The following GIGYF2 variants were observed in gnomAD, a reference collection of about 807,000 sequenced individuals.
The protein encoded by GIGYF2 is GRB10 interacting GYF protein 2.
Under a neutral mutation model 208.1 loss-of-function variants are expected in GIGYF2, and 25 were observed. The ratio of observed to expected loss-of-function variants is 0.12; its 90% CI spans 0.09 to 0.17. The LOEUF (loss-of-function observed/expected upper bound fraction) is 0.17, where lower values mean the gene tolerates loss of function less well. Among genes scored for constraint, GIGYF2 ranks in the 10% least tolerant of loss-of-function variants. The pLI is 1.00. For missense variants in GIGYF2, 1,302 were observed against 1,579.4 expected, an observed-to-expected ratio of 0.82 and a Z score of 2.98; for synonymous variants, 534 against 543.8, an observed-to-expected ratio of 0.98 and a Z score of 0.25.
At chr2:232,723,351 G>T (rs970173684) in intron 2 of GIGYF2, among the ~76,000 whole-genome samples, 5 of 151,592 alleles carry the variant, frequency 3.3e-5, no homozygotes, top group Non-Finnish European at 5.9e-5. Flanking sequence ...TTTCCATTGG[G>T]AATATATCTA....
At chr2:232,856,259 T>G (rs1690567138) in intron 28 of GIGYF2, among the ~76,000 whole-genome samples, 1 of 152,118 alleles carries the variant, frequency 6.6e-6, no homozygotes, top group Non-Finnish European at 1.5e-5. Flanking sequence ...GGTGATGCTA[T>G]TTTGTTTTAT....
intron 21 of GIGYF2, among the ~76,000 whole-genome samples, chr2:232,826,974 C>G (rs1221562335): frequency 6.6e-6 from 1 of 152,160 alleles, no homozygotes; most frequent in Non-Finnish European, 1.5e-5. Flanking sequence ...ATGATTGTTG[C>G]ATTTTTTTAA....
chr2:232,782,311 C>T (rs1699746600), intron 8 of GIGYF2, among the ~76,000 whole-genome samples: 1 of 152,162 alleles, frequency 6.6e-6, no homozygotes, highest in African/African-American at 2.4e-5. Flanking sequence ...GATCCTCTCT[C>T]CTCAGCCTCC....
intron 2 of GIGYF2, among the ~76,000 whole-genome samples, chr2:232,710,985 A>G (rs141520196): frequency 9.9e-5 from 15 of 151,698 alleles, no homozygotes; most frequent in Middle Eastern, 3.4e-3. Flanking sequence ...ACAGGTGTGA[A>G]CCACTGCGCC....
chr2:232,734,109 CT>C lies in GIGYF2; in HGVS notation c.-43-1025del, dbSNP rs35593823. 3.5e-3 allele frequency among the ~76,000 whole-genome samples: 433 copies of C among 122,468 alleles called. 2 individuals carry two copies. The highest frequency in any genetic ancestry group is 9.6e-3 in the African/African-American group (322 of 33,562). The allele number at this position is 122,468 out of a possible 152,430, so 80.3% of individuals were successfully genotyped here. A position where few individuals can be genotyped will look rare whatever the true frequency, so the allele number is the denominator to read the frequency against. ...TATATTTTATTTATTTATTTTAAAACTTTTTTTTTTTTTTTTTTTTTAAAGA... is the reference window on the plus strand; with the variant it reads ...TATATTTTATTTATTTATTTTAAAACTTTTTTTTTTTTTTTTTTTTAAAGA... On this transcript the variant is annotated intron_variant, in intron 2 of 28. Coordinates refer to ENST00000373563, the MANE Select transcript of GIGYF2 (RefSeq NM_001103146.3).
At chr2:232,789,985 G>A (rs1700024680) in intron 9 of GIGYF2, among the ~76,000 whole-genome samples, 1 of 152,088 alleles carries the variant, frequency 6.6e-6, no homozygotes, top group African/African-American at 2.4e-5. Flanking sequence ...GAGTAAGTAT[G>A]TTATTGTGGA....
chr2:232,734,779 GAAGT>G (rs1697663334), intron 2 of GIGYF2, among the ~76,000 whole-genome samples: 1 of 152,104 alleles, frequency 6.6e-6, no homozygotes, highest in Admixed American at 6.5e-5. Context: ...TCATTACTAG[GAAGT>G]AATATGAACT....
chr2:232,776,269 T>G, intron 8 of GIGYF2: 1 of 495,442 alleles, frequency 2.0e-6, no homozygotes. Flanking sequence ...TGGCTGTTAT[T>G]GCATTTTTAA....
intron 22 of GIGYF2, among the ~76,000 whole-genome samples, chr2:232,835,647 C>T (rs1701561765): frequency 6.6e-6 from 1 of 152,116 alleles, no homozygotes; most frequent in South Asian, 2.1e-4. Context: ...TGTTTTGTGA[C>T]TGGATGGATT....
At chr2:232,715,604 T>C (rs1395635270) in intron 2 of GIGYF2, among the ~76,000 whole-genome samples, 4 of 152,156 alleles carry the variant, frequency 2.6e-5, no homozygotes, top group Non-Finnish European at 5.9e-5. Flanking sequence ...AGTTCTTTGT[T>C]AATTCCTTAG....
intron 8 of GIGYF2, among the ~76,000 whole-genome samples, chr2:232,775,955 T>G (rs943140690): frequency 1.3e-5 from 2 of 152,214 alleles, no homozygotes; most frequent in Non-Finnish European, 2.9e-5. Context: ...TTTTAATTTC[T>G]CAGTTGCAGA....
intron 22 of GIGYF2, among the ~76,000 whole-genome samples, chr2:232,835,962 G>A (rs1330571063): frequency 6.6e-6 from 1 of 151,846 alleles, no homozygotes; most frequent in East Asian, 1.9e-4. Context: ...ACCCCTAAAT[G>A]CTTTTCAGAG....
intron 8 of GIGYF2, among the ~76,000 whole-genome samples, chr2:232,769,430 C>A (rs1699131750): frequency 6.9e-6 from 1 of 145,532 alleles, no homozygotes; most frequent in Non-Finnish European, 1.5e-5. Flanking sequence ...ACTCAGGAGG[C>A]TGAGGCAGGA....
intron 14 of GIGYF2, among the ~76,000 whole-genome samples, chr2:232,802,654 G>T (rs1267379604): frequency 6.6e-6 from 1 of 151,970 alleles, no homozygotes; most frequent in Non-Finnish European, 1.5e-5. Flanking sequence ...CTAGTATTTT[G>T]TTAAGAATTT....
rs762096898 is a variant in GIGYF2, at chr2:232,749,030, A to G, written c.215A>G (p.Gln72Arg). 6.2e-7 allele frequency: 1 copy of G among 1,607,210 alleles called. No homozygotes were observed. Among genetic ancestry groups the G allele is most frequent in the Non-Finnish European group, 8.5e-7 (1 of 1,173,768 alleles). ...LLDKEFLPILQEEPLPPLALV... is the reference protein window; with the variant it reads ...LLDKEFLPILREEPLPPLALV... ...GATAAAGAATTTCTGCCTATCCTCC[A>G]GGAGGAACCCCTTCCACCATTGGCT... The change falls in exon 5 of 29, where the codon CAG becomes CGG. Residue 72 changes from glutamine (Q) to arginine (R), a missense_variant. Physicochemically the swap from Gln to Arg is conservative, Grantham distance 43. Around this residue, in one of 8 missense-constraint regions of GIGYF2, gnomAD observed 189 missense variants for 257.7 expected, o/e 0.73. Transcript: ENST00000373563.
intron 2 of GIGYF2, among the ~76,000 whole-genome samples, chr2:232,722,233 A>G (rs938623864): frequency 6.6e-6 from 1 of 152,190 alleles, no homozygotes. Context: ...TATGAAAGAA[A>G]GAGGTTTAAT....
In GIGYF2 at chr2:232,827,156, T is replaced by C. The variant is rs186437151; in HGVS notation, c.2530-5701T>C. On this transcript the variant is annotated intron_variant, in intron 21 of 28. Coordinates refer to ENST00000373563, the MANE Select transcript of GIGYF2 (RefSeq NM_001103146.3). Reference sequence around the variant, plus strand: ...GTGACTAAGTTGAAGCCAGTGCTCATTTACCATTCTGAAAATCCTAGGGCC... The same window carrying C: ...GTGACTAAGTTGAAGCCAGTGCTCACTTACCATTCTGAAAATCCTAGGGCC... Among the ~76,000 whole-genome samples the C allele has an allele frequency of 5.1e-3, 749 of 146,592 alleles. 3 individuals are homozygous for C. Among genetic ancestry groups the C allele is most frequent in the African/African-American group, 0.014 (577 of 39,998 alleles).
intron 8 of GIGYF2, among the ~76,000 whole-genome samples, chr2:232,773,105 AT>A (rs1483795634): frequency 3.3e-5 from 5 of 152,282 alleles, no homozygotes; most frequent in African/African-American, 1.2e-4. Context: ...ACTTTAAAAA[AT>A]CTTAGTGCAT....
At chr2:232,708,759 G>C (rs7578299) in intron 2 of GIGYF2, among the ~76,000 whole-genome samples, 2 of 150,826 alleles carry the variant, frequency 1.3e-5, no homozygotes, top group Admixed American at 1.3e-4. Context: ...CTGCCTCCCA[G>C]GCTCAAGTGA....
Sources: allele counts gnomAD v4.1 joint callset (sites outside exome capture counted in the v4.1 genomes callset), GRCh38; gene constraint gnomAD v4.1.1; regional missense constraint gnomAD v4.1.1; transcripts MANE v1.5; gene names NCBI Gene and HGNC (gene_info 2026-07-23, HGNC 2026-07-21).